FMR1NB: variants seen among roughly 807,000 people sequenced by gnomAD.
The protein encoded by FMR1NB is FMR1 neighbor protein.
FMR1NB carries 10 observed loss-of-function variants against 16.8 expected under a neutral mutation model. That is an observed-to-expected ratio of 0.60 (90% CI 0.37 to 1.01). The LOEUF is 1.01. FMR1NB is among the 50% of genes least tolerant of loss of function. The pLI, the probability that FMR1NB is intolerant of heterozygous loss-of-function variation, is 0.01. For synonymous variants in FMR1NB, 83 were observed against 79.1 expected (o/e 1.05, Z -0.26); for missense variants, 205 against 204.8 (o/e 1.00, Z 0.00).
chrX:148,003,170 GT>G (rs1289421802), intron 1 of FMR1NB, 30 bp from the exon 2 acceptor site: 1 of 1,192,835 alleles, frequency 8.4e-7, no homozygotes, highest in Non-Finnish European at 1.1e-6. Context: ...TGCTTTATAT[GT>G]TGGGATTAAT....
chrX:148,021,188 A>G (rs1557190561), intron 4 of FMR1NB, among the ~76,000 whole-genome samples: 3 of 111,181 alleles, frequency 2.7e-5, no homozygotes, highest in African/African-American at 9.8e-5. Flanking sequence ...TCTGAGTTCA[A>G]TGTAATGTCT....
At chrX:147,997,835 CAA>C (rs782169118) in intron 1 of FMR1NB, among the ~76,000 whole-genome samples, 1,471 of 111,019 alleles carry the variant, frequency 0.013, 29 homozygotes, top group African/African-American at 0.046. Flanking sequence ...TTTATGAGGC[CAA>C]AAAACATATG....
chrX:148,001,712 T>C (rs2044571303), intron 1 of FMR1NB, among the ~76,000 whole-genome samples: 1 of 109,821 alleles, frequency 9.1e-6, no homozygotes, highest in African/African-American at 3.3e-5. Flanking sequence ...ATTGCGCCAT[T>C]GCACTCCAGC....
In FMR1NB at chrX:148,024,866, G is replaced by A. The variant is rs1034123999; in HGVS notation, c.634G>A (p.Glu212Lys). 7 of 1,207,832 alleles carry A rather than the reference G, an allele frequency of 5.8e-6. No homozygotes were observed. The highest frequency in any genetic ancestry group is 2.3e-4 in the Middle Eastern group (1 of 4,328). ...IYCRSLFWRSEPADDLQRQDN... is the reference protein window; with the variant it reads ...IYCRSLFWRSKPADDLQRQDN... ...TCACTTGAACTTTTTATGTTACAGCGAACCGGCCGATGATTTACAAAGGCA... is the reference window on the plus strand; with the variant it reads ...TCACTTGAACTTTTTATGTTACAGCAAACCGGCCGATGATTTACAAAGGCA... Residue 212 changes from glutamate (E) to lysine (K), a missense_variant and splice_region_variant, in exon 5 of 6, where the codon GAA becomes AAA. Physicochemically the swap from Glu to Lys is moderately conservative, Grantham distance 56 (BLOSUM62 1). Transcript: ENST00000370467.
chrX:147,993,929 A>T (rs1557187961), intron 1 of FMR1NB, among the ~76,000 whole-genome samples: 1 of 105,379 alleles, frequency 9.5e-6, no homozygotes, highest in African/African-American at 3.8e-5. Flanking sequence ...GATTCTCCCA[A>T]CCTGAACTGC....
intron 4 of FMR1NB, among the ~76,000 whole-genome samples, chrX:148,018,190 C>T (rs2044660228): frequency 9.0e-6 from 1 of 111,212 alleles, no homozygotes; most frequent in East Asian, 2.8e-4. Context: ...TCCACATCCT[C>T]TCCAGCACCT....
At chrX:148,016,293 G>A (rs2044649466) in intron 4 of FMR1NB, among the ~76,000 whole-genome samples, 1 of 110,755 alleles carries the variant, frequency 9.0e-6, no homozygotes, top group Non-Finnish European at 1.9e-5. Context: ...GGTTTCCATT[G>A]GTATGGAATG....
At chrX:148,007,530 T>C (rs782340063) in intron 3 of FMR1NB, among the ~76,000 whole-genome samples, 3 of 111,969 alleles carry the variant, frequency 2.7e-5, no homozygotes, top group Non-Finnish European at 3.8e-5. Flanking sequence ...GTTCCAGCAG[T>C]TCTTCTGCCT....
intron 1 of FMR1NB, among the ~76,000 whole-genome samples, chrX:147,999,118 A>G (rs1557188440): frequency 1.8e-5 from 2 of 111,893 alleles, no homozygotes; most frequent in African/African-American, 6.5e-5. Flanking sequence ...ATGTCAAGCC[A>G]AGGGCAAGCC....
At chrX:148,017,889 A>G (rs782529508) in intron 4 of FMR1NB, among the ~76,000 whole-genome samples, 4 of 108,888 alleles carry the variant, frequency 3.7e-5, no homozygotes, top group South Asian at 4.1e-4. Flanking sequence ...TTATGGCTGC[A>G]TAGTATTCCA....
intron 1 of FMR1NB, among the ~76,000 whole-genome samples, chrX:147,983,745 A>G (rs2044462689): frequency 8.9e-6 from 1 of 111,771 alleles, no homozygotes; most frequent in South Asian, 3.7e-4. Flanking sequence ...AGAAAGTTCA[A>G]TTTATCTATT....
chrX:148,012,474 C>T (rs184416057), intron 4 of FMR1NB, among the ~76,000 whole-genome samples: 297 of 111,709 alleles, frequency 2.7e-3, no homozygotes, highest in Non-Finnish European at 3.8e-3. Context: ...GAATTTGTAA[C>T]TTTGAATTAA....
intron 1 of FMR1NB, among the ~76,000 whole-genome samples, chrX:147,992,068 A>G (rs1314553044): frequency 8.9e-6 from 1 of 112,156 alleles, no homozygotes; most frequent in Non-Finnish European, 1.9e-5. Context: ...CCTTCCACAC[A>G]GACACGGCAA....
At position 147,982,880 on chromosome X, in the gene FMR1NB, C is replaced by T. The variant is rs1185876210; in HGVS notation, c.277+1201C>T. 4.5e-5 allele frequency among the ~76,000 whole-genome samples: 5 copies of T among 111,507 alleles called. No individual in the cohort carries two copies. The Admixed American group carries it at 4.7e-4, about 11-fold the overall frequency. ...CTACACTCCAGCTTGGGCGACAGAG[C>T]GAGGCTCCATCTCAAAAAAATGAAA... On this transcript the variant is annotated intron_variant, in intron 1 of 5. Coordinates refer to ENST00000370467, the MANE Select transcript of FMR1NB (RefSeq NM_152578.3).
At chrX:148,006,611 T>C in intron 2 of FMR1NB, 91 bp from the exon 3 acceptor site, 1 of 1,006,904 alleles carries the variant, frequency 9.9e-7, no homozygotes, top group African/African-American at 1.9e-5. Context: ...AAATGTTTGC[T>C]TTTCTTCTTT....
At chrX:148,007,379 TC>T (rs1412207570) in intron 3 of FMR1NB, among the ~76,000 whole-genome samples, 2 of 111,874 alleles carry the variant, frequency 1.8e-5, no homozygotes, top group African/African-American at 6.5e-5. Flanking sequence ...AGCCTCGACA[TC>T]CGGGGCTCAA....
chrX:148,018,332 A>G (rs1237411338), intron 4 of FMR1NB, among the ~76,000 whole-genome samples: 1 of 111,909 alleles, frequency 8.9e-6, no homozygotes, highest in Non-Finnish European at 1.9e-5. Context: ...GGCTGCATAA[A>G]TGTCTTCTTT....
At chrX:148,023,857 A>G (rs928234373) in intron 4 of FMR1NB, among the ~76,000 whole-genome samples, 5 of 111,356 alleles carry the variant, frequency 4.5e-5, no homozygotes, top group Non-Finnish European at 9.4e-5. Flanking sequence ...GAGACAGGTT[A>G]GTGTAGTAGG....
chrX:147,999,303 C>T (rs1475569249), intron 1 of FMR1NB, among the ~76,000 whole-genome samples: 3 of 111,674 alleles, frequency 2.7e-5, no homozygotes, highest in Non-Finnish European at 5.6e-5. Flanking sequence ...TGTGCTGAAT[C>T]GAGTGGCAAC....
Sources: gnomAD v4.1 joint callset for allele counts (sites outside exome capture counted in the v4.1 genomes callset) on GRCh38, gnomAD v4.1.1 for gene constraint, MANE v1.5 for transcripts, NCBI Gene and HGNC (gene_info 2026-07-23, HGNC 2026-07-21) for gene names.